The following CTNNBL1 variants were observed in gnomAD, a reference collection of about 807,000 sequenced individuals.
CTNNBL1 encodes the protein catenin beta like 1.
A neutral mutation model predicts 72.7 loss-of-function variants in CTNNBL1; 31 were observed. The observed-to-expected ratio is 0.43, with a 90% CI of 0.32 to 0.58. The LOEUF (loss-of-function observed/expected upper bound fraction) is 0.58, where lower values mean the gene tolerates loss of function less well. Among genes scored for constraint, CTNNBL1 ranks in the 20% least tolerant of loss-of-function variants. CTNNBL1 has a pLI of 0.08. For missense variants in CTNNBL1, 534 were observed against 725.1 expected, an observed-to-expected ratio of 0.74 and a Z score of 3.03; for synonymous variants, 240 against 267.3, an observed-to-expected ratio of 0.90 and a Z score of 1.00.
In CTNNBL1 at chr20:37,822,886, C is replaced by T. The variant is rs193251445; in HGVS notation, c.1214-17216C>T. Among the ~76,000 whole-genome samples, 178 of 152,284 alleles carry T rather than the reference C, an allele frequency of 1.2e-3. No individual in the cohort carries two copies. In the South Asian group the frequency reaches 0.012, roughly 11 times the overall value. On this transcript the variant is annotated intron_variant, in intron 11 of 15. Transcript: ENST00000361383. ...CAGTGCTAATAAATGGTTTTTCGCT[C>T]CTCAGAAAGACCTGTCTGGAAAGGC...
At position 37,748,622 on chromosome 20, in the gene CTNNBL1, C is replaced by T. The variant is rs149833710; in HGVS notation, c.466+2015C>T. On this transcript the variant is annotated intron_variant, in intron 4 of 15. Coordinates refer to ENST00000361383, the MANE Select transcript of CTNNBL1 (RefSeq NM_030877.5). Reference sequence around the variant, plus strand: ...TAACAAAATACCGTAAACTGGGTGGCTTATAAACAACAAAAATTTATTTCT... The same window carrying T: ...TAACAAAATACCGTAAACTGGGTGGTTTATAAACAACAAAAATTTATTTCT... Among the ~76,000 whole-genome samples the T allele has an allele frequency of 3.2e-4, 49 of 152,264 alleles. No individual in the cohort carries two copies. The East Asian group carries it at 9.1e-3, about 28-fold the overall frequency.
Position 37,737,474 on chromosome 20 carries a change from A to G in CTNNBL1, c.316A>G (p.Asn106Asp). ...NQELRIKFPD[N>D]PEKFMESELD... ...AGAATTGCGGATTAAGTTTCCAGAC[A>G]ATCCAGAGAAGTAAGGTTCTGTTCC... Residue 106 changes from asparagine to aspartate, a missense_variant, in exon 3 of 16, where the codon AAT (asparagine) becomes GAT (aspartate). Physicochemically the swap from Asn to Asp is conservative, Grantham distance 23. Transcript: ENST00000361383. 1 of 1,606,686 alleles carries G rather than the reference A, an allele frequency of 6.2e-7. No individual in the cohort carries two copies. Among genetic ancestry groups the G allele is most frequent in the Non-Finnish European group, 8.5e-7 (1 of 1,174,074 alleles).
intron 13 of CTNNBL1, among the ~76,000 whole-genome samples, chr20:37,848,108 C>T (rs2072362392): frequency 6.6e-6 from 1 of 150,960 alleles, no homozygotes; most frequent in South Asian, 2.1e-4. Context: ...AAAAAGAATC[C>T]TGCTGAGAGT....
In CTNNBL1 at chr20:37,802,932, G is replaced by A; in HGVS notation, c.1097G>A (p.Gly366Asp). 1.9e-6 allele frequency: 3 copies of A among 1,614,048 alleles called. No homozygotes were observed. Among genetic ancestry groups the A allele is most frequent in the South Asian group, 1.1e-5 (1 of 91,076 alleles). Residue 366 changes from glycine (G) to aspartate (D), a missense_variant, in exon 11 of 16, where the codon GGC becomes GAC. Physicochemically the swap from Gly to Asp is moderately conservative, Grantham distance 94. Coordinates refer to ENST00000361383, the MANE Select transcript of CTNNBL1 (RefSeq NM_030877.5). The part of the protein sequence containing the change: ...VLDHAMIGPE[G>D]TDNCHKFVDI... ...GACCATGCCATGATTGGCCCCGAAGGCACAGACAACTGCCATAAGTTTGTT... is the reference window on the plus strand; with the variant it reads ...GACCATGCCATGATTGGCCCCGAAGACACAGACAACTGCCATAAGTTTGTT...
In CTNNBL1 at chr20:37,764,967, A is replaced by G. The variant is rs543493396; in HGVS notation, c.565-230A>G. On this transcript the variant is annotated intron_variant, in intron 5 of 15. Transcript: ENST00000361383. ...ATTTTACTTTGTCTGCTTGAGCTCC[A>G]GTTGACTCATCTGAAGTTAGAGATA... Among the ~76,000 whole-genome samples the G allele has an allele frequency of 1.7e-4, 26 of 152,310 alleles. No individual in the cohort carries two copies. In the South Asian group the frequency reaches 3.1e-3, roughly 18 times the overall value.
At chr20:37,784,095 T>C (rs978711578) in intron 10 of CTNNBL1, among the ~76,000 whole-genome samples, 25 of 152,236 alleles carry the variant, frequency 1.6e-4, no homozygotes, top group African/African-American at 5.3e-4. Context: ...TTTACCGTTA[T>C]GTAATGACCT....
chr20:37,829,378 T>A (rs2072188324), intron 11 of CTNNBL1, among the ~76,000 whole-genome samples: 4 of 152,150 alleles, frequency 2.6e-5, no homozygotes, highest in Admixed American at 2.6e-4. Context: ...CCCATGTGTG[T>A]CTTTCTTAAC....
At chr20:37,751,460 A>G (rs1437748230) in intron 4 of CTNNBL1, 1 of 152,184 alleles carries the variant, frequency 6.6e-6, no homozygotes, top group Non-Finnish European at 1.5e-5. Context: ...TTTCCAAATG[A>G]CTGTTTAGTT....
Position 37,779,250 on chromosome 20 carries a change from T to A in CTNNBL1, c.946T>A (p.Ser316Thr). Reference protein sequence around the residue: ...EQEMMENLFDSLCSCLMLSSN... With the variant: ...EQEMMENLFDTLCSCLMLSSN... ...GGAGATGATGGAGAATCTGTTTGAT[T>A]CCCTCTGCTCCTGTCTAATGCTTAG... Residue 316 changes from serine (S) to threonine (T), a missense_variant, in exon 10 of 16, where the codon TCC becomes ACC. By Grantham distance (58) the Ser-to-Thr change is moderately conservative. Coordinates refer to ENST00000361383, the MANE Select transcript of CTNNBL1 (RefSeq NM_030877.5). 1 of 1,613,790 alleles carries A rather than the reference T, an allele frequency of 6.2e-7. No homozygotes were observed. The highest frequency in any genetic ancestry group is 1.7e-5 in the Admixed American group (1 of 59,986).
chr20:37,840,325 C>T (rs953324921), intron 12 of CTNNBL1, 126 bp downstream of exon 12: 1 of 684,494 alleles, frequency 1.5e-6, no homozygotes, highest in Non-Finnish European at 2.6e-6. Flanking sequence ...CACCTGGGCC[C>T]TGTTGCTTTG....
At chr20:37,822,928 C>A (rs934057142) in intron 11 of CTNNBL1, among the ~76,000 whole-genome samples, 1 of 152,130 alleles carries the variant, frequency 6.6e-6, no homozygotes, top group Non-Finnish European at 1.5e-5. Context: ...ATTTTGCAGG[C>A]CCTTAGTTCT....
At chr20:37,791,808 G>C (rs183074326) in intron 10 of CTNNBL1, among the ~76,000 whole-genome samples, 2 of 152,278 alleles carry the variant, frequency 1.3e-5, no homozygotes, top group East Asian at 3.9e-4. Context: ...ATCTGAGATG[G>C]AACAGTTTCA....
At chr20:37,736,111 T>A (rs1166026614) in intron 2 of CTNNBL1, among the ~76,000 whole-genome samples, 1 of 152,250 alleles carries the variant, frequency 6.6e-6, no homozygotes, top group Non-Finnish European at 1.5e-5. Flanking sequence ...TACAGTCTAC[T>A]AGCTTTTTTT....
chr20:37,816,280 C>T (rs747944438), intron 11 of CTNNBL1, among the ~76,000 whole-genome samples: 2 of 152,128 alleles, frequency 1.3e-5, no homozygotes, highest in Non-Finnish European at 1.5e-5. Flanking sequence ...GTCACCACTA[C>T]GGATGGGGCT....
intron 1 of CTNNBL1, among the ~76,000 whole-genome samples, chr20:37,708,461 C>T (rs144396583): frequency 2.8e-4 from 43 of 152,210 alleles, no homozygotes; most frequent in South Asian, 1.4e-3. Flanking sequence ...TGTGAGCCAC[C>T]GCGCCCAGCT....
chr20:37,824,849 A>G (rs998906804), intron 11 of CTNNBL1, among the ~76,000 whole-genome samples: 1 of 152,220 alleles, frequency 6.6e-6, no homozygotes, highest in Non-Finnish European at 1.5e-5. Context: ...TATTACGTCT[A>G]TATTCCAAAC....
intron 1 of CTNNBL1, among the ~76,000 whole-genome samples, chr20:37,726,804 G>A (rs2073088811): frequency 6.6e-6 from 1 of 152,068 alleles, no homozygotes. Flanking sequence ...GCTATATTTA[G>A]ACACACACAC....
intron 5 of CTNNBL1, among the ~76,000 whole-genome samples, chr20:37,759,155 G>A (rs1179113732): frequency 6.6e-6 from 1 of 152,140 alleles, no homozygotes; most frequent in Non-Finnish European, 1.5e-5. Context: ...TGCTACTTTT[G>A]TAGAATTCAG....
At chr20:37,754,593 C>G (rs576279556) in intron 4 of CTNNBL1, among the ~76,000 whole-genome samples, 2 of 151,714 alleles carry the variant, frequency 1.3e-5, no homozygotes, top group Non-Finnish European at 2.9e-5. Flanking sequence ...TTATTCTTTT[C>G]CTTGAGTCTT....
Sources: gnomAD v4.1 joint callset for allele counts (sites outside exome capture counted in the v4.1 genomes callset) on GRCh38, gnomAD v4.1.1 for gene constraint, MANE v1.5 for transcripts, NCBI Gene and HGNC (gene_info 2026-07-23, HGNC 2026-07-21) for gene names.